Variants in SESN1 observed in about 807,000 individuals in gnomAD.
SESN1 encodes sestrin-1.
In SESN1, 30 loss-of-function variants were observed where a neutral mutation model predicts 59.3. The observed-to-expected ratio is 0.51, with a 90% CI of 0.38 to 0.69. The LOEUF (loss-of-function observed/expected upper bound fraction) is 0.69. Among genes scored for constraint, SESN1 ranks in the 30% least tolerant of loss-of-function variants. The pLI, the probability that SESN1 is intolerant of heterozygous loss-of-function variation, is 0.00. For synonymous variants in SESN1, 197 were observed against 219.9 expected, an observed-to-expected ratio of 0.90 and a Z score of 0.92; for missense variants, 566 against 673.0, an observed-to-expected ratio of 0.84 and a Z score of 1.76.
At chr6:109,016,944 C>T (rs12197912) in intron 1 of SESN1, among the ~76,000 whole-genome samples, 15,194 of 151,900 alleles carry the variant, frequency 0.1, 913 homozygotes, top group Middle Eastern at 0.19. Context: ...GAGGGTAACA[C>T]TCTTAATTTG....
At chr6:109,050,304 A>T (rs919352826) in intron 1 of SESN1, among the ~76,000 whole-genome samples, 18 of 152,086 alleles carry the variant, frequency 1.2e-4, no homozygotes, top group African/African-American at 4.3e-4. Context: ...GCCATTAAGT[A>T]GCAGTCAAAA....
chr6:109,024,631 C>A (rs1011088928), intron 1 of SESN1, among the ~76,000 whole-genome samples: 1 of 152,062 alleles, frequency 6.6e-6, no homozygotes, highest in African/African-American at 2.4e-5. Flanking sequence ...TTTAATACAC[C>A]AAATCTTCTA....
At chr6:109,092,965 A>G (rs1287890075) in intron 1 of SESN1, among the ~76,000 whole-genome samples, 1 of 152,204 alleles carries the variant, frequency 6.6e-6, no homozygotes, top group Non-Finnish European at 1.5e-5. Flanking sequence ...TCTCTCATAC[A>G]GGACTTTGGA....
intron 6 of SESN1, 109 bp from the exon 7 acceptor site, chr6:108,993,008 A>ATAT (rs1193435077): frequency 1.5e-6 from 1 of 656,714 alleles, no homozygotes; most frequent in African/African-American, 1.8e-5. Context: ...CTGAGTGACC[A>ATAT]ATATCAACCA....
At chr6:109,041,909 G>A (rs1480087494) in intron 1 of SESN1, among the ~76,000 whole-genome samples, 3 of 152,090 alleles carry the variant, frequency 2.0e-5, no homozygotes, top group African/African-American at 7.2e-5. Context: ...CTTTTAGCAT[G>A]CTCAGGGAAT....
chr6:109,020,397 TA>T (rs944861124), intron 1 of SESN1, among the ~76,000 whole-genome samples: 1 of 152,084 alleles, frequency 6.6e-6, no homozygotes, highest in Non-Finnish European at 1.5e-5. Context: ...TATTTTTAGT[TA>T]AAAAAAATTT....
intron 1 of SESN1, among the ~76,000 whole-genome samples, chr6:109,078,170 C>T (rs729566): frequency 0.18 from 27,878 of 151,760 alleles, 3,364 homozygotes; most frequent in African/African-American, 0.34. Context: ...TCAATAATTA[C>T]AATAAGTTCG....
chr6:109,008,937 T>A, intron 1 of SESN1: 2 of 990,876 alleles, frequency 2.0e-6, no homozygotes, highest in Non-Finnish European at 2.4e-6. Flanking sequence ...GGCTAAATAA[T>A]CTGTTTTCAC....
At chr6:109,031,961 A>T (rs988530506) in intron 1 of SESN1, among the ~76,000 whole-genome samples, 4 of 152,308 alleles carry the variant, frequency 2.6e-5, no homozygotes, top group South Asian at 4.1e-4. Context: ...CCTTATACAC[A>T]TATCTTGAAG....
At position 109,000,670 on chromosome 6, in the gene SESN1, C is replaced by T; in HGVS notation, c.550G>A (p.Ala184Thr). Reference sequence around the variant, plus strand: ...AAGTAGGAGCACTGATGTCTTGCCGCAGCCTTAAAACAAAAAGATTATTCT... The same window carrying T: ...AAGTAGGAGCACTGATGTCTTGCCGTAGCCTTAAAACAAAAAGATTATTCT... ...HYRHYIGIMAAARHQCSYLVN... is the reference protein window; with the variant it reads ...HYRHYIGIMATARHQCSYLVN... Residue 184 changes from alanine (A) to threonine (T), a missense_variant, in exon 4 of 10, where the codon GCG becomes ACG. Ala to Thr is a moderately conservative substitution (Grantham distance 58). Coordinates refer to ENST00000436639, the MANE Select transcript of SESN1 (RefSeq NM_014454.3). The T allele has an allele frequency of 6.4e-7, 1 of 1,568,608 alleles. No homozygotes were observed. Among genetic ancestry groups the T allele is most frequent in the Non-Finnish European group, 8.6e-7 (1 of 1,157,672 alleles).
chr6:109,094,302 A>C lies in SESN1; in HGVS notation c.-229T>G. On this transcript the variant is annotated 5_prime_UTR_variant, in exon 1 of 10. Transcript: ENST00000436639. ...CGAAAGGGCAGTCTTCTTTCTGGAA[A>C]AACAAAGTTTGAAAGTTGCAACCTT... is the stretch of plus-strand genomic sequence containing the variant. 3.7e-6 allele frequency: 2 copies of C among 544,650 alleles called. 1 individual carries two copies. The highest frequency in any genetic ancestry group is 3.8e-5 in the African/African-American group (2 of 52,406). The allele number at this position is 544,650 out of a possible 1,614,324, so 33.7% of individuals were successfully genotyped here. A position where few individuals can be genotyped will look rare whatever the true frequency, so the allele number is the denominator to read the frequency against.
At chr6:109,038,531 C>G (rs868030360) in intron 1 of SESN1, among the ~76,000 whole-genome samples, 10 of 152,142 alleles carry the variant, frequency 6.6e-5, no homozygotes, top group South Asian at 4.1e-4. Flanking sequence ...TCTTTAGCAC[C>G]TGAATTACCT....
chr6:108,988,448 G>T, intron 9 of SESN1, 95 bp downstream of exon 9: 1 of 1,103,386 alleles, frequency 9.1e-7, no homozygotes, highest in Non-Finnish European at 1.3e-6. Flanking sequence ...GGTTGGTAGG[G>T]GTGATGGAAA....
chr6:109,002,010 A>G (rs975522693), intron 2 of SESN1, among the ~76,000 whole-genome samples: 18 of 150,010 alleles, frequency 1.2e-4, no homozygotes, highest in African/African-American at 4.4e-4. Flanking sequence ...ATCTAAATAT[A>G]AGCAGATGTT....
At chr6:109,005,801 T>C (rs1165172149) in intron 1 of SESN1, among the ~76,000 whole-genome samples, 1 of 152,232 alleles carries the variant, frequency 6.6e-6, no homozygotes, top group East Asian at 1.9e-4. Flanking sequence ...TGTGGGATTA[T>C]AATCTATATT....
chr6:109,080,246 T>C (rs1352889221), intron 1 of SESN1, among the ~76,000 whole-genome samples: 2 of 152,224 alleles, frequency 1.3e-5, no homozygotes, highest in Non-Finnish European at 1.5e-5. Flanking sequence ...CTGCCAGCAC[T>C]GTCATGGCAA....
chr6:108,988,540 TA>T lies in SESN1; in HGVS notation c.1569+2del. On this transcript the variant is annotated splice_donor_variant, in intron 9 of 9. Coordinates refer to ENST00000436639, the MANE Select transcript of SESN1 (RefSeq NM_014454.3). LOFTEE classifies it high-confidence loss of function. ...AAGTAAATAAGCCACAATAGGCACA[TA>T]CCTTCTCAGAGTGCTTGAACTGCCT... is the stretch of plus-strand genomic sequence containing the variant. 1 of 1,606,094 alleles carries T rather than the reference TA, an allele frequency of 6.2e-7. No individual in the cohort carries two copies. Among genetic ancestry groups the T allele is most frequent in the Non-Finnish European group, 8.5e-7 (1 of 1,177,142 alleles).
At chr6:109,078,477 T>C (rs902517555) in intron 1 of SESN1, among the ~76,000 whole-genome samples, 1 of 152,174 alleles carries the variant, frequency 6.6e-6, no homozygotes, top group African/African-American at 2.4e-5. Context: ...AAAAGACATA[T>C]AGATAATACA....
intron 1 of SESN1, among the ~76,000 whole-genome samples, chr6:109,023,134 T>C (rs181121285): frequency 2.0e-3 from 306 of 152,352 alleles, no homozygotes; most frequent in Non-Finnish European, 3.5e-3. Context: ...AAATGTTCTA[T>C]AACATCTCTC....
Sources: gnomAD v4.1 joint callset for allele counts (sites outside exome capture counted in the v4.1 genomes callset) on GRCh38, gnomAD v4.1.1 for gene constraint, MANE v1.5 for transcripts, NCBI Gene and HGNC (gene_info 2026-07-23, HGNC 2026-07-21) for gene names.